The following DTD1 variants were observed in gnomAD, a reference collection of about 807,000 sequenced individuals.
The protein encoded by DTD1 is D-tyrosyl-tRNA deacylase 1 homolog.
A neutral mutation model predicts 25.6 loss-of-function variants in DTD1; 13 were observed. The ratio of observed to expected loss-of-function variants is 0.51; its 90% confidence interval spans 0.33 to 0.81. The LOEUF is 0.81. DTD1 is among the 30% of genes least tolerant of loss of function. The pLI is 0.02. For missense variants in DTD1, 193 were observed against 266.4 expected, an observed-to-expected ratio of 0.72 and a Z score of 1.92; for synonymous variants, 110 against 103.6, an observed-to-expected ratio of 1.06 and a Z score of -0.37.
intron 4 of DTD1, among the ~76,000 whole-genome samples, chr20:18,680,309 T>A (rs959158234): frequency 7.9e-5 from 12 of 151,504 alleles, no homozygotes; most frequent in Non-Finnish European, 1.2e-4. Flanking sequence ...CTCAGCCTCC[T>A]GAGTAACTGG....
chr20:18,745,480 G>A (rs1259778682), intron 5 of DTD1, among the ~76,000 whole-genome samples: 2 of 152,200 alleles, frequency 1.3e-5, no homozygotes, highest in African/African-American at 4.8e-5. Context: ...GGTGCGTGTG[G>A]CAGGAGTGTG....
chr20:18,720,376 C>T (rs932627474), intron 4 of DTD1, among the ~76,000 whole-genome samples: 37 of 152,284 alleles, frequency 2.4e-4, no homozygotes, highest in African/African-American at 3.1e-4. Context: ...AAAAACTTTT[C>T]GAAAGTAGGC....
At chr20:18,588,785 T>C (rs2060576716) in intron 1 of DTD1, 1 of 985,082 alleles carries the variant, frequency 1.0e-6, no homozygotes, top group South Asian at 4.7e-5. Context: ...TGGACCAAGC[T>C]ACCCGACCCC....
chr20:18,674,572 G>A (rs2060962951), intron 4 of DTD1: 1 of 152,238 alleles, frequency 6.6e-6, no homozygotes, highest in Admixed American at 6.5e-5. Flanking sequence ...GTGACCTCGT[G>A]ACTCCAGATT....
intron 4 of DTD1, among the ~76,000 whole-genome samples, chr20:18,701,603 A>G (rs763177181): frequency 2.0e-5 from 3 of 152,194 alleles, no homozygotes; most frequent in Non-Finnish European, 4.4e-5. Flanking sequence ...TGTGAGCTGA[A>G]TGCACCCAGG....
chr20:18,745,403 A>T (rs2094878156), intron 5 of DTD1, among the ~76,000 whole-genome samples: 1 of 152,130 alleles, frequency 6.6e-6, no homozygotes, highest in African/African-American at 2.4e-5. Context: ...GATTTGAGGG[A>T]CCCAGGACCT....
At chr20:18,616,680 G>A (rs1324325497) in intron 3 of DTD1, among the ~76,000 whole-genome samples, 3 of 152,156 alleles carry the variant, frequency 2.0e-5, no homozygotes, top group Non-Finnish European at 2.9e-5. Context: ...GATGGTGCAC[G>A]CCTATAGTCC....
At chr20:18,682,072 G>T (rs11905202) in intron 4 of DTD1, among the ~76,000 whole-genome samples, 2,922 of 152,280 alleles carry the variant, frequency 0.019, 55 homozygotes, top group South Asian at 0.041. Flanking sequence ...GTTATTTGAA[G>T]GTGGGCTTAG....
intron 4 of DTD1, among the ~76,000 whole-genome samples, chr20:18,663,911 A>G (rs1037220323): frequency 6.6e-6 from 1 of 152,186 alleles, no homozygotes; most frequent in African/African-American, 2.4e-5. Context: ...CCCATGATTC[A>G]GTTACCTCCC....
intron 3 of DTD1, among the ~76,000 whole-genome samples, chr20:18,621,242 C>T (rs1176678223): frequency 1.3e-5 from 2 of 152,142 alleles, no homozygotes; most frequent in East Asian, 3.9e-4. Flanking sequence ...TAGAATGTCC[C>T]TCATTTTGTG....
At chr20:18,676,606 C>T (rs1044229199) in intron 4 of DTD1, among the ~76,000 whole-genome samples, 2 of 152,082 alleles carry the variant, frequency 1.3e-5, no homozygotes, top group African/African-American at 2.4e-5. Flanking sequence ...TTTGTCTCTA[C>T]CCACCCAAAA....
intron 4 of DTD1, among the ~76,000 whole-genome samples, chr20:18,650,917 C>T (rs1040673072): frequency 3.3e-5 from 5 of 152,178 alleles, no homozygotes; most frequent in African/African-American, 1.2e-4. Flanking sequence ...AAAAATCTCA[C>T]AGAGGGTACT....
intron 4 of DTD1, among the ~76,000 whole-genome samples, chr20:18,704,152 C>T (rs941060060): frequency 6.6e-6 from 1 of 152,142 alleles, no homozygotes; most frequent in African/African-American, 2.4e-5. Flanking sequence ...AGGTGCCTGC[C>T]ACCACGCCTG....
chr20:18,753,494 G>GCTA (rs1249367802), intron 5 of DTD1, among the ~76,000 whole-genome samples: 2 of 151,320 alleles, frequency 1.3e-5, no homozygotes, highest in Non-Finnish European at 2.9e-5. Flanking sequence ...TGTAATCCTA[G>GCTA]CTACTCAGGA....
chr20:18,697,464 G>C (rs2061082643), intron 4 of DTD1, among the ~76,000 whole-genome samples: 1 of 152,134 alleles, frequency 6.6e-6, no homozygotes, highest in Non-Finnish European at 1.5e-5. Context: ...TAAACAAAAT[G>C]CTTGGGATCA....
chr20:18,748,415 G>A (rs1364265639), intron 5 of DTD1, among the ~76,000 whole-genome samples: 1 of 152,120 alleles, frequency 6.6e-6, no homozygotes, highest in African/African-American at 2.4e-5. Context: ...TAAAATTCAT[G>A]CAAAACATAA....
intron 4 of DTD1, among the ~76,000 whole-genome samples, chr20:18,658,759 T>C (rs1410463344): frequency 6.6e-6 from 1 of 152,250 alleles, no homozygotes; most frequent in Non-Finnish European, 1.5e-5. Flanking sequence ...TCAGTCTTTA[T>C]TAACACTCCC....
chr20:18,618,848 G>A (rs2060721126), intron 3 of DTD1, among the ~76,000 whole-genome samples: 1 of 151,880 alleles, frequency 6.6e-6, no homozygotes. Context: ...GAGTAGCTGG[G>A]ATTACAGGCA....
chr20:18,658,189 ATGTGTGTGTG>A (rs60197503), intron 4 of DTD1, among the ~76,000 whole-genome samples: 13 of 146,140 alleles, frequency 8.9e-5, no homozygotes, highest in African/African-American at 2.3e-4. Context: ...AGAGTCTGAG[ATGTGTGTGTG>A]TGTGTGTGTG....
Sources: allele counts gnomAD v4.1 joint callset (sites outside exome capture counted in the v4.1 genomes callset), GRCh38; gene constraint gnomAD v4.1.1; transcripts MANE v1.5; gene names NCBI Gene and HGNC (gene_info 2026-07-23, HGNC 2026-07-21).